Variants in IQSEC1 observed in about 807,000 individuals in gnomAD.
The protein encoded by IQSEC1 is IQ motif and Sec7 domain ArfGEF 1, also known as IQ motif and SEC7 domain-containing protein 1.
Under a neutral mutation model 91.0 loss-of-function variants are expected in IQSEC1, and 31 were observed. That is an observed-to-expected ratio of 0.34 (90% CI 0.26 to 0.46). IQSEC1 has a LOEUF of 0.46. Ranked by LOEUF, IQSEC1 falls within the 20% of genes least tolerant of loss-of-function variation. IQSEC1 has a pLI of 1.00. For missense variants in IQSEC1, 1,388 were observed against 1,575.6 expected, an observed-to-expected ratio of 0.88 and a Z score of 2.02; for synonymous variants, 699 against 662.6, an observed-to-expected ratio of 1.05 and a Z score of -0.84.
At chr3:13,232,039 T>C (rs191897613) in intron 1 of IQSEC1, among the ~76,000 whole-genome samples, 18 of 152,394 alleles carry the variant, frequency 1.2e-4, no homozygotes, top group African/African-American at 3.6e-4. Flanking sequence ...TGTTGAAACC[T>C]GGATTACTTG....
intron 1 of IQSEC1, chr3:12,995,008 G>A (rs892439514): frequency 2.0e-5 from 3 of 152,362 alleles, no homozygotes; most frequent in African/African-American, 4.8e-5. Flanking sequence ...CCTCCCTGGT[G>A]GGTCGCAGAG....
At chr3:13,071,784 C>T (rs554497224) in intron 1 of IQSEC1, among the ~76,000 whole-genome samples, 15 of 144,290 alleles carry the variant, frequency 1.0e-4, no homozygotes, top group African/African-American at 3.6e-4. Context: ...AGGCCACTGC[C>T]ATTCCCTGAA....
At chr3:13,223,213 T>C (rs1385486670) in intron 1 of IQSEC1, among the ~76,000 whole-genome samples, 1 of 152,186 alleles carries the variant, frequency 6.6e-6, no homozygotes, top group Non-Finnish European at 1.5e-5. Flanking sequence ...AAGTCAACGC[T>C]TCCTGCATAA....
At chr3:13,155,216 A>C (rs1245317763) in intron 2 of IQSEC1, among the ~76,000 whole-genome samples, 1 of 152,204 alleles carries the variant, frequency 6.6e-6, no homozygotes, top group Non-Finnish European at 1.5e-5. Flanking sequence ...TGGTTCTCCC[A>C]GAAGATTGAC....
chr3:13,164,584 T>C (rs540632037), intron 1 of IQSEC1, among the ~76,000 whole-genome samples: 39 of 152,166 alleles, frequency 2.6e-4, no homozygotes, highest in Non-Finnish European at 4.3e-4. Flanking sequence ...CAGTGTTATT[T>C]CCCCAGAACC....
chr3:13,070,274 CT>C (rs1705371710), intron 1 of IQSEC1, among the ~76,000 whole-genome samples: 1 of 152,234 alleles, frequency 6.6e-6, no homozygotes, highest in Admixed American at 6.5e-5. Flanking sequence ...GTTCCTTCCC[CT>C]CTCTGAGCCT....
chr3:12,953,715 C>G (rs1213094007), intron 1 of IQSEC1, among the ~76,000 whole-genome samples: 1 of 152,222 alleles, frequency 6.6e-6, no homozygotes, highest in Non-Finnish European at 1.5e-5. Flanking sequence ...TGCCCCTGCC[C>G]TCTGGTCCCG....
chr3:13,099,834 C>T (rs1706027388), intron 2 of IQSEC1, among the ~76,000 whole-genome samples: 1 of 150,056 alleles, frequency 6.7e-6, no homozygotes, highest in Non-Finnish European at 1.5e-5. Flanking sequence ...GGGGCAGTTG[C>T]ACCTCAGCAC....
intron 1 of IQSEC1, among the ~76,000 whole-genome samples, chr3:13,013,114 C>T (rs1210498493): frequency 6.6e-6 from 1 of 152,128 alleles, no homozygotes; most frequent in East Asian, 1.9e-4. Flanking sequence ...GCATGCGCCA[C>T]CACGCCCGGC....
chr3:13,164,264 C>T (rs1490589431), intron 1 of IQSEC1, among the ~76,000 whole-genome samples: 1 of 152,196 alleles, frequency 6.6e-6, no homozygotes, highest in Non-Finnish European at 1.5e-5. Context: ...CAGCAGACAT[C>T]CGCAGGCCCA....
intron 2 of IQSEC1, among the ~76,000 whole-genome samples, chr3:13,084,132 C>T (rs1162941497): frequency 2.6e-5 from 4 of 152,188 alleles, no homozygotes; most frequent in Non-Finnish European, 5.9e-5. Context: ...AAGAAGAGAA[C>T]TCAGCTGGTC....
chr3:13,212,898 G>C (rs529420827), intron 1 of IQSEC1, among the ~76,000 whole-genome samples: 43 of 152,124 alleles, frequency 2.8e-4, no homozygotes, highest in Non-Finnish European at 5.7e-4. Context: ...CTTTTTAGTT[G>C]AGTTGTCTTT....
At chr3:13,058,697 A>G (rs1193092615) in intron 1 of IQSEC1, among the ~76,000 whole-genome samples, 2 of 152,202 alleles carry the variant, frequency 1.3e-5, no homozygotes, top group African/African-American at 4.8e-5. Context: ...AGAGAGCCCA[A>G]CCTGCCTCCC....
chr3:13,277,797 G>A (rs140713565), intron 1 of IQSEC1, among the ~76,000 whole-genome samples: 21 of 152,196 alleles, frequency 1.4e-4, no homozygotes, highest in African/African-American at 4.6e-4. Flanking sequence ...GAGCCCTCTC[G>A]GCCTCACTCA....
intron 2 of IQSEC1, among the ~76,000 whole-genome samples, chr3:13,127,017 C>G (rs995387061): frequency 3.9e-5 from 6 of 152,176 alleles, no homozygotes; most frequent in Admixed American, 6.5e-5. Context: ...CTATGGATAT[C>G]TAAATTGCTT....
At chr3:12,917,517 C>T (rs1696213428) in intron 6 of IQSEC1, among the ~76,000 whole-genome samples, 1 of 152,234 alleles carries the variant, frequency 6.6e-6, no homozygotes, top group African/African-American at 2.4e-5. Context: ...TCAGACTGGC[C>T]TCTTTCACTC....
chr3:12,979,105 T>C lies in IQSEC1; in HGVS notation c.24-37240A>G, dbSNP rs949891960. Reference sequence around the variant, plus strand: ...GGAGTGGGAGTGACCTGGGTTTAGTTTTCCCAACAACCACATAGCACCTGT... The same window carrying C: ...GGAGTGGGAGTGACCTGGGTTTAGTCTTCCCAACAACCACATAGCACCTGT... On this transcript the variant is annotated intron_variant, in intron 1 of 13. Coordinates refer to ENST00000613206, the MANE Select transcript of IQSEC1 (RefSeq NM_001134382.3). The surrounding 1 kb of genome is among the most constrained non-coding windows in gnomAD (Gnocchi z 4.3). 6.6e-6 allele frequency among the ~76,000 whole-genome samples: 1 copy of C among 152,132 alleles called. No individual in the cohort carries two copies. The highest frequency in any genetic ancestry group is 1.5e-5 in the Non-Finnish European group (1 of 68,024).
At chr3:13,003,299 A>AAAG (rs1553675624) in intron 1 of IQSEC1, among the ~76,000 whole-genome samples, 4 of 150,412 alleles carry the variant, frequency 2.7e-5, no homozygotes, top group African/African-American at 7.4e-5. Context: ...AAAAAAAAAA[A>AAAG]GGAATGAAGT....
chr3:13,114,592 T>C (rs543583176), intron 2 of IQSEC1, among the ~76,000 whole-genome samples: 41 of 152,022 alleles, frequency 2.7e-4, no homozygotes, highest in African/African-American at 9.2e-4. Flanking sequence ...AGGAGTTCAA[T>C]ATCGGCCTGG....
Sources: allele counts gnomAD v4.1 joint callset (sites outside exome capture counted in the v4.1 genomes callset), GRCh38; gene constraint gnomAD v4.1.1; non-coding constraint Gnocchi (gnomAD v3.1); transcripts MANE v1.5; gene names NCBI Gene and HGNC (gene_info 2026-07-23, HGNC 2026-07-21).